MARK4: variants seen among roughly 807,000 people sequenced by gnomAD.
The protein encoded by MARK4 is microtubule affinity regulating kinase 4.
A neutral mutation model predicts 81.5 loss-of-function variants in MARK4; 19 were observed. The ratio of observed to expected loss-of-function variants is 0.23; its 90% CI spans 0.16 to 0.34. The LOEUF is 0.34. MARK4 is among the 10% of genes least tolerant of loss of function. The pLI is 1.00. For missense variants in MARK4, 772 were observed against 1,058.8 expected (o/e 0.73, Z 3.76); for synonymous variants, 436 against 439.0 (o/e 0.99, Z 0.08).
intron 13 of MARK4, among the ~76,000 whole-genome samples, chr19:45,290,213 T>C (rs552763989): frequency 5.6e-4 from 85 of 152,326 alleles, no homozygotes; most frequent in African/African-American, 2.0e-3. Flanking sequence ...GTACTTCCAG[T>C]TTATTTTGGT....
intron 12 of MARK4, among the ~76,000 whole-genome samples, chr19:45,284,480 G>A (rs1245120057): frequency 2.0e-5 from 3 of 151,956 alleles, no homozygotes; most frequent in South Asian, 2.1e-4. Context: ...CCACCACCAC[G>A]CCCAGCTAAT....
At position 45,302,229 on chromosome 19, in the gene MARK4, G is replaced by GAAAC; in HGVS notation, c.1923-144_1923-141dup. On this transcript the variant is annotated intron_variant, in intron 16 of 16. Transcript: ENST00000262891. The surrounding 1 kb of genome is among the most constrained non-coding windows in gnomAD (Gnocchi z 4.9). The stretch of plus-strand genomic sequence containing the variant: ...TAGCTGGGCAGCTCTGTATCCAGTT[G>GAAAC]AAACTGTCGCTGGGGTAACAGGGGA... 3.3e-6 allele frequency: 5 copies of GAAAC among 1,528,996 alleles called. No homozygotes were observed. Among genetic ancestry groups the GAAAC allele is most frequent in the Non-Finnish European group, 4.4e-6 (5 of 1,137,932 alleles). 94.7% of individuals were successfully genotyped at this position (1,528,996 alleles called of 1,614,324 possible). A position where few individuals can be genotyped will look rare whatever the true frequency, so the allele number is the denominator to read the frequency against.
At chr19:45,292,532 C>T (rs575479600) in intron 13 of MARK4, among the ~76,000 whole-genome samples, 2 of 152,186 alleles carry the variant, frequency 1.3e-5, no homozygotes, top group East Asian at 1.9e-4. Flanking sequence ...TATTGCTAAA[C>T]GAAACCCACA....
intron 12 of MARK4, among the ~76,000 whole-genome samples, chr19:45,283,871 CTG>C (rs1491217536): frequency 7.9e-5 from 12 of 152,176 alleles, no homozygotes; most frequent in African/African-American, 2.9e-4. Context: ...TTTTCCAACT[CTG>C]TTCGTTTTAC....
intron 13 of MARK4, among the ~76,000 whole-genome samples, chr19:45,293,863 C>T (rs76062594): frequency 1.1e-4 from 16 of 152,080 alleles, no homozygotes; most frequent in Admixed American, 2.6e-4. Flanking sequence ...AGCCTGGGGC[C>T]GGGGGTGGTG....
chr19:45,297,109 T>C (rs1970897579), intron 14 of MARK4, among the ~76,000 whole-genome samples: 1 of 150,442 alleles, frequency 6.6e-6, no homozygotes, highest in Non-Finnish European at 1.5e-5. Context: ...TCCCAGCTAC[T>C]CAGGAGGGTG....
chr19:45,263,411 C>T (rs1295232437), intron 4 of MARK4, 44 bp downstream of exon 4: 1 of 1,612,588 alleles, frequency 6.2e-7, no homozygotes, highest in Non-Finnish European at 8.5e-7. Context: ...AACTGGAACA[C>T]TTGCAAAGGA....
chr19:45,278,767 C>A, intron 10 of MARK4, 152 bp downstream of exon 10: 1 of 610,534 alleles, frequency 1.6e-6, no homozygotes, highest in Non-Finnish European at 2.9e-6. Flanking sequence ...CCATGCCCGG[C>A]TAATTTTTGT....
rs773188379 is a variant in MARK4 at position 45,263,105 on chromosome 19, C to T, written c.253-8C>T. 1 of 1,602,302 alleles carries T rather than the reference C, an allele frequency of 6.2e-7. No individual in the cohort carries two copies. Among genetic ancestry groups the T allele is most frequent in the Non-Finnish European group, 8.5e-7 (1 of 1,173,906 alleles). ...TTGACCGTCCCTCCTCCTTTCCTCCCCCTCTAGGTTGCCATCAAGATTATC... is the reference window on the plus strand; with the variant it reads ...TTGACCGTCCCTCCTCCTTTCCTCCTCCTCTAGGTTGCCATCAAGATTATC... On this transcript the variant is annotated splice_polypyrimidine_tract_variant and splice_region_variant and intron_variant, in intron 2 of 16. Coordinates refer to ENST00000262891, the MANE Select transcript of MARK4 (RefSeq NM_001199867.2).
At chr19:45,265,014 C>A in intron 6 of MARK4, 104 bp downstream of exon 6, 1 of 1,153,466 alleles carries the variant, frequency 8.7e-7, no homozygotes. Context: ...GGGGGCGGGG[C>A]TTAAGTCTGG....
At position 45,264,767 on chromosome 19, in the gene MARK4, T is replaced by G. The variant is rs779972244; in HGVS notation, c.421+18T>G. 1 of 1,613,926 alleles carries G rather than the reference T, an allele frequency of 6.2e-7. No homozygotes were observed. The highest frequency in any genetic ancestry group is 8.5e-7 in the Non-Finnish European group (1 of 1,179,960). On this transcript the variant is annotated intron_variant, in intron 5 of 16. Transcript: ENST00000262891. Reference sequence around the variant, plus strand: ...AAGTGCTGGTGAGCCGCCCACCCTCTCCGCCCTGCCCCTGTGCCACCTCCC... The same window carrying G: ...AAGTGCTGGTGAGCCGCCCACCCTCGCCGCCCTGCCCCTGTGCCACCTCCC...
rs192081395 is a variant in MARK4, at chr19:45,302,362, T to A, written c.1923-12T>A. On this transcript the variant is annotated splice_polypyrimidine_tract_variant and intron_variant, in intron 16 of 16. Coordinates refer to ENST00000262891, the MANE Select transcript of MARK4 (RefSeq NM_001199867.2). This position sits in a 1 kb window ranked among gnomAD's most constrained non-coding sequence, Gnocchi z 4.9. ...GCTCCCATCTCTGACCCCTGACATC[T>A]TCTCGCCTCAGTTGCCATCTACCTT... is the stretch of plus-strand genomic sequence containing the variant. 7.2e-5 allele frequency: 116 copies of A among 1,614,092 alleles called. 1 individual carries two copies. The Admixed American group carries it at 1.8e-3, about 25-fold the overall frequency.
chr19:45,276,140 C>A (rs1970594902), intron 8 of MARK4, among the ~76,000 whole-genome samples: 1 of 152,210 alleles, frequency 6.6e-6, no homozygotes, highest in Non-Finnish European at 1.5e-5. Flanking sequence ...AATCCTCCTG[C>A]TTCAGCCTCC....
chr19:45,253,246 C>T (rs1970267435), intron 1 of MARK4, among the ~76,000 whole-genome samples: 2 of 151,832 alleles, frequency 1.3e-5, no homozygotes, highest in African/African-American at 4.8e-5. Context: ...CTTGCAGATC[C>T]CTCCCTCACA....
At chr19:45,279,513 C>T (rs533262597) in intron 10 of MARK4, among the ~76,000 whole-genome samples, 92 of 152,152 alleles carry the variant, frequency 6.0e-4, no homozygotes, top group African/African-American at 2.1e-3. Context: ...AAAATTCCAT[C>T]TAAAATAACA....
At chr19:45,289,525 C>T (rs759287393) in intron 13 of MARK4, among the ~76,000 whole-genome samples, 99 of 152,018 alleles carry the variant, frequency 6.5e-4, no homozygotes, top group Middle Eastern at 3.4e-3. Context: ...AATCTCAGCA[C>T]TTTGGGAGGC....
At chr19:45,268,188 C>T (rs1271516525) in intron 7 of MARK4, among the ~76,000 whole-genome samples, 2 of 152,154 alleles carry the variant, frequency 1.3e-5, no homozygotes, top group African/African-American at 2.4e-5. Flanking sequence ...CACCTATAAT[C>T]CCAGCACTTT....
chr19:45,301,462 C>T (rs911995994), intron 16 of MARK4, among the ~76,000 whole-genome samples: 5 of 146,218 alleles, frequency 3.4e-5, no homozygotes, highest in Admixed American at 1.4e-4. Flanking sequence ...GAAGCTGAGG[C>T]AGGAGAATTG....
intron 14 of MARK4, among the ~76,000 whole-genome samples, chr19:45,295,345 C>T (rs1195494118): frequency 1.3e-5 from 2 of 151,532 alleles, no homozygotes; most frequent in African/African-American, 4.9e-5. Context: ...GGCAACAGAG[C>T]GAGACTCCAT....
Sources: allele counts gnomAD v4.1 joint callset (sites outside exome capture counted in the v4.1 genomes callset), GRCh38; gene constraint gnomAD v4.1.1; non-coding constraint Gnocchi (gnomAD v3.1); transcripts MANE v1.5; gene names NCBI Gene and HGNC (gene_info 2026-07-23, HGNC 2026-07-21).